ANK3: variants seen among roughly 807,000 people sequenced by gnomAD.
ANK3 encodes ankyrin-3.
ANK3 carries 57 observed loss-of-function variants against 370.9 expected under a neutral mutation model. That is an observed-to-expected ratio of 0.15 (90% CI 0.12 to 0.19). The LOEUF (loss-of-function observed/expected upper bound fraction) is 0.19. Among genes scored for constraint, ANK3 ranks in the 10% least tolerant of loss-of-function variants. ANK3 has a pLI of 1.00. For synonymous variants in ANK3, 1,929 were observed against 1,946.3 expected, an observed-to-expected ratio of 0.99 and a Z score of 0.23; for missense variants, 4,439 against 5,302.1, an observed-to-expected ratio of 0.84 and a Z score of 5.06.
At chr10:60,218,222 T>C (rs1272830912) in intron 8 of ANK3, among the ~76,000 whole-genome samples, 1 of 152,050 alleles carries the variant, frequency 6.6e-6, no homozygotes, top group Non-Finnish European at 1.5e-5. Flanking sequence ...TGATGGGTCT[T>C]GACTCTTTAC....
chr10:60,034,315 C>G (rs1389346885), intron 43 of ANK3, among the ~76,000 whole-genome samples: 3 of 151,972 alleles, frequency 2.0e-5, no homozygotes, highest in Non-Finnish European at 2.9e-5. Context: ...ACCACGCTGG[C>G]CAGGGTGGTC....
At chr10:60,170,636 CTT>C (rs1409611347) in intron 21 of ANK3, among the ~76,000 whole-genome samples, 1 of 152,186 alleles carries the variant, frequency 6.6e-6, no homozygotes, top group Non-Finnish European at 1.5e-5. Flanking sequence ...TGTCTTCTCT[CTT>C]TTGCAGAAAG....
chr10:60,316,276 G>T (rs186460817), intron 1 of ANK3, among the ~76,000 whole-genome samples: 3 of 152,232 alleles, frequency 2.0e-5, no homozygotes, highest in Admixed American at 2.0e-4. Context: ...GAAATGCTAG[G>T]TAAATGTATG....
intron 5 of ANK3, among the ~76,000 whole-genome samples, chr10:60,266,913 T>C (rs1435520352): frequency 6.6e-6 from 1 of 152,148 alleles, no homozygotes; most frequent in African/African-American, 2.4e-5. Context: ...TGCTTAATAA[T>C]TACTCATGGA....
At chr10:60,159,798 A>G (rs1414498124) in intron 23 of ANK3, among the ~76,000 whole-genome samples, 1 of 152,194 alleles carries the variant, frequency 6.6e-6, no homozygotes, top group African/African-American at 2.4e-5. Flanking sequence ...TGGAAATTAA[A>G]CAATATGCTC....
intron 1 of ANK3, among the ~76,000 whole-genome samples, chr10:60,363,362 CTG>C (rs1350927222): frequency 2.6e-5 from 4 of 152,200 alleles, no homozygotes; most frequent in Non-Finnish European, 5.9e-5. Context: ...GTTTACCTCA[CTG>C]TTAGTCAGAC....
chr10:60,219,058 G>A (rs1416731300), intron 8 of ANK3, among the ~76,000 whole-genome samples: 1 of 151,300 alleles, frequency 6.6e-6, no homozygotes, highest in Non-Finnish European at 1.5e-5. Context: ...CCTTTCTTCT[G>A]CTTGGTTGAT....
At chr10:60,081,888 T>C in intron 35 of ANK3, 1 of 343,728 alleles carries the variant, frequency 2.9e-6, no homozygotes, top group South Asian at 6.0e-5. Context: ...CATGCCAATC[T>C]ACCATATTTA....
chr10:60,271,095 T>C (rs572807809), intron 4 of ANK3, among the ~76,000 whole-genome samples: 1 of 152,192 alleles, frequency 6.6e-6, no homozygotes, highest in Admixed American at 6.5e-5. Context: ...TCTAGAATAA[T>C]GTATTTCATA....
intron 1 of ANK3, among the ~76,000 whole-genome samples, chr10:60,660,965 T>C (rs2078928858): frequency 6.6e-6 from 1 of 151,284 alleles, no homozygotes; most frequent in Non-Finnish European, 1.5e-5. Context: ...ACACATAATG[T>C]ACAACCAATC....
At chr10:60,116,357 A>G (rs1354206637) in intron 25 of ANK3, among the ~76,000 whole-genome samples, 2 of 152,124 alleles carry the variant, frequency 1.3e-5, no homozygotes, top group East Asian at 3.9e-4. Flanking sequence ...GAAATCATGG[A>G]TAACAACCTC....
At chr10:60,397,340 C>T (rs1341129697) in intron 2 of ANK3, among the ~76,000 whole-genome samples, 4 of 152,002 alleles carry the variant, frequency 2.6e-5, no homozygotes, top group African/African-American at 9.7e-5. Flanking sequence ...AACAAAAAGA[C>T]ATCTTATTTT....
At chr10:60,631,337 G>A (rs2078480912) in intron 1 of ANK3, among the ~76,000 whole-genome samples, 1 of 151,914 alleles carries the variant, frequency 6.6e-6, no homozygotes, top group Non-Finnish European at 1.5e-5. Flanking sequence ...GACCATCCTG[G>A]CCAACCAAGT....
intron 2 of ANK3, among the ~76,000 whole-genome samples, chr10:60,483,247 G>A (rs535191019): frequency 1.3e-5 from 2 of 152,284 alleles, no homozygotes; most frequent in East Asian, 1.9e-4. Context: ...CTGATCTCTG[G>A]AGGACAGAAG....
chr10:60,632,597 T>A (rs576336089), intron 1 of ANK3, among the ~76,000 whole-genome samples: 26 of 152,038 alleles, frequency 1.7e-4, no homozygotes, highest in Middle Eastern at 3.4e-3. Context: ...AATTTTTTTT[T>A]AAAAATTAGC....
chr10:60,711,808 G>A (rs2079712644), intron 1 of ANK3, among the ~76,000 whole-genome samples: 1 of 152,004 alleles, frequency 6.6e-6, no homozygotes, highest in Non-Finnish European at 1.5e-5. Flanking sequence ...AAGATAAACA[G>A]AAAAACTTTG....
chr10:60,081,845 C>G (rs2085353048), intron 35 of ANK3: 1 of 245,662 alleles, frequency 4.1e-6, no homozygotes, highest in South Asian at 7.4e-5. Context: ...TTGCACTTGA[C>G]TTGTCTAAAA....
chr10:60,293,856 A>G (rs1267332691), intron 1 of ANK3, among the ~76,000 whole-genome samples: 2 of 152,210 alleles, frequency 1.3e-5, no homozygotes, highest in Non-Finnish European at 2.9e-5. Context: ...AGATATTGCT[A>G]TATTCCGCTC....
At chr10:60,169,278 G>C (rs2095708387) in intron 21 of ANK3, among the ~76,000 whole-genome samples, 3 of 150,622 alleles carry the variant, frequency 2.0e-5, no homozygotes, top group South Asian at 4.2e-4. Flanking sequence ...GTCTTGATTT[G>C]CATTTGACTT....
Sources: allele counts gnomAD v4.1 joint callset (sites outside exome capture counted in the v4.1 genomes callset), GRCh38; gene constraint gnomAD v4.1.1; transcripts MANE v1.5; gene names NCBI Gene and HGNC (gene_info 2026-07-23, HGNC 2026-07-21).